Variants in LURAP1L observed in about 807,000 individuals in gnomAD.
LURAP1L encodes the protein leucine rich adaptor protein 1-like.
Under a neutral mutation model 13.8 loss-of-function variants are expected in LURAP1L, and 12 were observed. That is an observed-to-expected ratio of 0.87 (90% CI 0.56 to 1.41). The LOEUF (loss-of-function observed/expected upper bound fraction) is 1.41. LURAP1L is among the 40% of genes most tolerant of loss of function. The probability of loss-of-function intolerance (pLI) is 0.00; values close to 1 mark genes in which losing one functional copy is unlikely to be tolerated. For synonymous variants in LURAP1L, 139 were observed against 119.2 expected (o/e 1.17, Z -1.08); for missense variants, 375 against 292.9 (o/e 1.28, Z -2.04).
intron 1 of LURAP1L, among the ~76,000 whole-genome samples, chr9:12,780,962 T>C (rs1165554789): frequency 6.6e-6 from 1 of 151,942 alleles, no homozygotes; most frequent in Middle Eastern, 3.2e-3. Context: ...CTTTTAGTTA[T>C]TATTATTATT....
rs964564692 is a variant in LURAP1L at position 12,821,818 on chromosome 9, G to A, written c.*58G>A. The A allele has an allele frequency of 8.5e-6, 13 of 1,528,040 alleles. No individual in the cohort carries two copies. The highest frequency in any genetic ancestry group is 1.1e-5 in the Non-Finnish European group (13 of 1,139,632). The allele number at this position is 1,528,040 out of a possible 1,614,324, so 94.7% of individuals were successfully genotyped here. On this transcript the variant is annotated 3_prime_UTR_variant, in exon 2 of 2. Transcript: ENST00000319264. ...GAACTTGTATTTATCCTTCTTCTCC[G>A]CTGCTATATTTTTGGTGTGATTTTT...
rs369625540 is a variant in LURAP1L, at chr9:12,821,564, A to G, written c.491A>G (p.Tyr164Cys). ...CAGAGCACCTCCTTACGTGGCAGCT[A>G]CAACAGCCTACACGATGGCAGTGAT... ...ESQSTSLRGSYNSLHDGSDGL... is the reference protein window; with the variant it reads ...ESQSTSLRGSCNSLHDGSDGL... The change falls in exon 2 of 2, where the codon TAC becomes TGC. Residue 164 changes from tyrosine to cysteine, a missense_variant. Coordinates refer to ENST00000319264, the MANE Select transcript of LURAP1L (RefSeq NM_203403.2). 1.2e-6 allele frequency: 2 copies of G among 1,614,032 alleles called. No homozygotes were observed. Among genetic ancestry groups the G allele is most frequent in the Non-Finnish European group, 1.7e-6 (2 of 1,180,034 alleles).
At chr9:12,776,409 G>C (rs1819184836) in intron 1 of LURAP1L, among the ~76,000 whole-genome samples, 2 of 152,112 alleles carry the variant, frequency 1.3e-5, no homozygotes, top group Admixed American at 1.3e-4. Flanking sequence ...TTAACACTTC[G>C]GGTAGGTTCA....
At chr9:12,800,154 C>T (rs189180091) in intron 1 of LURAP1L, among the ~76,000 whole-genome samples, 161 of 152,264 alleles carry the variant, frequency 1.1e-3, no homozygotes, top group Non-Finnish European at 1.7e-3. Context: ...AGAGCTGCAA[C>T]TTTGTACCCT....
intron 1 of LURAP1L, among the ~76,000 whole-genome samples, chr9:12,818,362 G>A (rs1819830919): frequency 6.6e-6 from 1 of 152,132 alleles, no homozygotes; most frequent in South Asian, 2.1e-4. Context: ...TATTACTACT[G>A]TCTTAAGAGC....
chr9:12,809,874 CTT>C (rs1333803491), intron 1 of LURAP1L, among the ~76,000 whole-genome samples: 1 of 152,154 alleles, frequency 6.6e-6, no homozygotes, highest in Non-Finnish European at 1.5e-5. Flanking sequence ...CTTTGGCACT[CTT>C]TAAATATGGT....
At chr9:12,778,810 G>A (rs2118454597) in intron 1 of LURAP1L, among the ~76,000 whole-genome samples, 1 of 152,316 alleles carries the variant, frequency 6.6e-6, no homozygotes, top group East Asian at 1.9e-4. Flanking sequence ...TGAAAGAATT[G>A]TAGAGCCTAA....
At chr9:12,778,408 T>G (rs1289300790) in intron 1 of LURAP1L, among the ~76,000 whole-genome samples, 1 of 152,196 alleles carries the variant, frequency 6.6e-6, no homozygotes, top group Non-Finnish European at 1.5e-5. Flanking sequence ...TAAGAGCATC[T>G]CCATTAAGGC....
At chr9:12,820,435 G>A (rs1251999419) in intron 1 of LURAP1L, among the ~76,000 whole-genome samples, 3 of 150,384 alleles carry the variant, frequency 2.0e-5, no homozygotes, top group Non-Finnish European at 4.4e-5. Context: ...CTCAGGAGGC[G>A]GAGCTTGCAG....
intron 1 of LURAP1L, among the ~76,000 whole-genome samples, chr9:12,810,411 T>C (rs1819720841): frequency 6.6e-6 from 1 of 152,178 alleles, no homozygotes; most frequent in Non-Finnish European, 1.5e-5. Context: ...ATTTAGCCAA[T>C]GACCTCAGTT....
At chr9:12,803,486 T>C (rs746529222) in intron 1 of LURAP1L, among the ~76,000 whole-genome samples, 6 of 152,206 alleles carry the variant, frequency 3.9e-5, no homozygotes, top group Non-Finnish European at 5.9e-5. Flanking sequence ...CAGGACATCA[T>C]AGGTGTAAAT....
intron 1 of LURAP1L, among the ~76,000 whole-genome samples, chr9:12,785,161 G>A (rs993847111): frequency 6.6e-6 from 1 of 152,134 alleles, no homozygotes; most frequent in East Asian, 1.9e-4. Flanking sequence ...TCTGTTGTCC[G>A]GGAGCTAGGG....
chr9:12,781,271 C>T (rs1218012183), intron 1 of LURAP1L, among the ~76,000 whole-genome samples: 2 of 152,038 alleles, frequency 1.3e-5, no homozygotes, highest in African/African-American at 4.8e-5. Flanking sequence ...GTGCCCGGCC[C>T]CTTTTAGTTA....
intron 1 of LURAP1L, among the ~76,000 whole-genome samples, chr9:12,811,822 C>T (rs1415292980): frequency 6.6e-6 from 1 of 152,148 alleles, no homozygotes; most frequent in Non-Finnish European, 1.5e-5. Context: ...GGAGTCTGGG[C>T]ACAGATCAAG....
chr9:12,813,277 A>G (rs1432060420), intron 1 of LURAP1L, among the ~76,000 whole-genome samples: 2 of 152,202 alleles, frequency 1.3e-5, no homozygotes, highest in Non-Finnish European at 2.9e-5. Flanking sequence ...AAGTATTTAT[A>G]TAAACCTATA....
chr9:12,779,907 G>T (rs113908519), intron 1 of LURAP1L, among the ~76,000 whole-genome samples: 2 of 152,282 alleles, frequency 1.3e-5, no homozygotes, highest in Non-Finnish European at 2.9e-5. Flanking sequence ...ATATTCAAAA[G>T]CCATCTGCTT....
chr9:12,801,551 C>A (rs1259520102), intron 1 of LURAP1L, among the ~76,000 whole-genome samples: 1 of 152,034 alleles, frequency 6.6e-6, no homozygotes, highest in Non-Finnish European at 1.5e-5. Context: ...CATTAAACTG[C>A]TGTAAGACTA....
At chr9:12,813,933 C>A (rs1819771506) in intron 1 of LURAP1L, among the ~76,000 whole-genome samples, 1 of 152,118 alleles carries the variant, frequency 6.6e-6, no homozygotes, top group Admixed American at 6.5e-5. Flanking sequence ...GCTATACATA[C>A]AACAGTTCAG....
chr9:12,787,112 A>T (rs189484245), intron 1 of LURAP1L, among the ~76,000 whole-genome samples: 50 of 152,306 alleles, frequency 3.3e-4, no homozygotes, highest in African/African-American at 1.2e-3. Context: ...AAAAGTATTT[A>T]AAGTAGAGGA....
Sources: allele counts gnomAD v4.1 joint callset (sites outside exome capture counted in the v4.1 genomes callset), GRCh38; gene constraint gnomAD v4.1.1; transcripts MANE v1.5; gene names NCBI Gene and HGNC (gene_info 2026-07-23, HGNC 2026-07-21).